The following ALKBH5 variants were observed in gnomAD, a reference collection of about 807,000 sequenced individuals.
ALKBH5 encodes the protein alkB homolog 5, RNA demethylase.
ALKBH5 carries 2 observed loss-of-function variants against 32.1 expected under a neutral mutation model. The ratio of observed to expected loss-of-function variants is 0.06; its 90% confidence interval spans 0.03 to 0.20. The LOEUF is 0.20. ALKBH5 is among the 10% of genes least tolerant of loss of function. The pLI, the probability that ALKBH5 is intolerant of heterozygous loss-of-function variation, is 1.00. For synonymous variants in ALKBH5, 300 were observed against 231.7 expected, an observed-to-expected ratio of 1.29 and a Z score of -2.68; for missense variants, 352 against 559.5, an observed-to-expected ratio of 0.63 and a Z score of 3.74.
chr17:18,184,588 G>A lies in ALKBH5; in HGVS notation c.345G>A (p.Glu115=). 6.2e-7 allele frequency: 1 copy of A among 1,613,346 alleles called. No homozygotes were observed. The highest frequency in any genetic ancestry group is 1.1e-5 in the South Asian group (1 of 91,086). The change falls in exon 1 of 4, where the codon GAG becomes GAA. Residue 115 remains glutamate (E), a synonymous_variant. Transcript: ENST00000399138. Reference sequence around the variant, plus strand: ...TTGACGAGGTGGTGTCCCGCGCTGAGAAGGGCCTGTACAACGAGCACACGG... The same window carrying A: ...TTGACGAGGTGGTGTCCCGCGCTGAAAAGGGCCTGTACAACGAGCACACGG... ...ARIDEVVSRA[E]KGLYNEHTVD... is the part of the protein sequence containing the mutation.
rs747813849 is a variant in ALKBH5 at position 18,184,357 on chromosome 17, AGCCGCC to A, written c.117_122del (p.Ala47_Ala48del). Reference sequence around the variant, plus strand: ...CCGCCGCCGCTGCCGCAGCCGCCGTAGCCGCCGCAGCCGCAGCCGCCGCTGCCGCCG... The same window carrying A: ...CCGCCGCCGCTGCCGCAGCCGCCGTAGCAGCCGCAGCCGCCGCTGCCGCCG... On this transcript the variant is annotated inframe_deletion, in exon 1 of 4. Transcript: ENST00000399138. The A allele has an allele frequency of 4.9e-5, 74 of 1,514,790 alleles. No individual in the cohort carries two copies. Among genetic ancestry groups the A allele is most frequent in the Non-Finnish European group, 5.5e-5 (62 of 1,134,748 alleles). 93.8% of individuals were successfully genotyped at this position (1,514,790 alleles called of 1,614,324 possible).
In ALKBH5 at chr17:18,184,217, G is replaced by T; in HGVS notation, c.-27G>T. 1 of 1,477,850 alleles carries T rather than the reference G, an allele frequency of 6.8e-7. No homozygotes were observed. The highest frequency in any genetic ancestry group is 8.9e-7 in the Non-Finnish European group (1 of 1,123,990). 91.5% of individuals were successfully genotyped at this position (1,477,850 alleles called of 1,614,324 possible). ...GCCCGGCTGCCCCGCCCGCCCCGGAGGACCCTAGAGCAGCGTCGTGGGGGC... is the reference window on the plus strand; with the variant it reads ...GCCCGGCTGCCCCGCCCGCCCCGGATGACCCTAGAGCAGCGTCGTGGGGGC... On this transcript the variant is annotated 5_prime_UTR_variant, in exon 1 of 4. In the 5' UTR this introduces an upstream ATG that the reference lacks. Coordinates refer to ENST00000399138, the MANE Select transcript of ALKBH5 (RefSeq NM_017758.4).
At chr17:18,202,601 G>T (rs1567676961) in intron 2 of ALKBH5, among the ~76,000 whole-genome samples, 1 of 152,132 alleles carries the variant, frequency 6.6e-6, no homozygotes, top group African/African-American at 2.4e-5. Flanking sequence ...CCTGGTAAAG[G>T]TGGTGCCAGA....
intron 2 of ALKBH5, among the ~76,000 whole-genome samples, chr17:18,196,176 C>T (rs1016789682): frequency 6.6e-6 from 1 of 151,832 alleles, no homozygotes; most frequent in Admixed American, 6.6e-5. Context: ...CTCTTAGACT[C>T]CTCTTGGCTG....
intron 1 of ALKBH5, among the ~76,000 whole-genome samples, chr17:18,191,812 AC>A (rs2047176485): frequency 6.6e-6 from 1 of 152,052 alleles, no homozygotes; most frequent in South Asian, 2.1e-4. Flanking sequence ...CACTAAACAT[AC>A]AAAAATTAGC....
chr17:18,192,330 G>T (rs145468836), intron 1 of ALKBH5, among the ~76,000 whole-genome samples: 1 of 152,198 alleles, frequency 6.6e-6, no homozygotes, highest in Non-Finnish European at 1.5e-5. Context: ...CCCTTTCCAG[G>T]AGTGTCAACC....
intron 2 of ALKBH5, among the ~76,000 whole-genome samples, chr17:18,197,847 A>G (rs531479298): frequency 1.1e-4 from 16 of 152,314 alleles, no homozygotes; most frequent in Non-Finnish European, 1.6e-4. Flanking sequence ...GTGCAGAAGC[A>G]CAGAGCTGTG....
At chr17:18,195,606 G>T (rs1418685113) in intron 2 of ALKBH5, among the ~76,000 whole-genome samples, 1 of 152,188 alleles carries the variant, frequency 6.6e-6, no homozygotes, top group Non-Finnish European at 1.5e-5. Context: ...CTTTCACGGG[G>T]TGAGTGGAAG....
chr17:18,192,476 C>T (rs2047181889), intron 1 of ALKBH5, among the ~76,000 whole-genome samples: 1 of 152,124 alleles, frequency 6.6e-6, no homozygotes, highest in African/African-American at 2.4e-5. Flanking sequence ...TTAGTAGCAG[C>T]AAAAGAATAG....
chr17:18,185,063 C>T lies in ALKBH5; in HGVS notation c.770+50C>T, dbSNP rs73980817. The T allele has an allele frequency of 8.4e-4, 1,315 of 1,566,668 alleles. 11 individuals are homozygous for T. The African/African-American group carries it at 0.016, about 19-fold the overall frequency. On this transcript the variant is annotated intron_variant, in intron 1 of 3. Transcript: ENST00000399138. ...GGCCCTGCGCCTGCTGCCTTAGCTA[C>T]CCACCCTGGCCCAGAAAGCAGCAGC... is the stretch of plus-strand genomic sequence containing the variant.
intron 1 of ALKBH5, among the ~76,000 whole-genome samples, chr17:18,189,456 C>T (rs934390062): frequency 2.6e-5 from 4 of 152,206 alleles, no homozygotes; most frequent in Admixed American, 1.3e-4. Flanking sequence ...TGATACAGTG[C>T]TAGCTCTCTG....
chr17:18,207,579 C>T (rs529966947), intron 3 of ALKBH5, among the ~76,000 whole-genome samples: 2 of 151,724 alleles, frequency 1.3e-5, no homozygotes, highest in Non-Finnish European at 2.9e-5. Flanking sequence ...AGGAGAATGG[C>T]GTGAACCTGG....
chr17:18,196,594 T>G (rs2047205939), intron 2 of ALKBH5, among the ~76,000 whole-genome samples: 2 of 152,234 alleles, frequency 1.3e-5, no homozygotes, highest in African/African-American at 4.8e-5. Flanking sequence ...GTCTGATGTT[T>G]TTATGGTAAA....
rs1382244981 is a variant in ALKBH5 at position 18,208,874 on chromosome 17, T to C, written c.*478T>C. 3.9e-6 allele frequency: 1 copy of C among 256,350 alleles called. No homozygotes were observed. Among genetic ancestry groups the C allele is most frequent in the Admixed American group, 5.2e-5 (1 of 19,140 alleles). The allele number at this position is 256,350 out of a possible 1,614,324, so 15.9% of individuals were successfully genotyped here. A position where few individuals can be genotyped will look rare whatever the true frequency, so the allele number is the denominator to read the frequency against. The stretch of plus-strand genomic sequence containing the variant: ...TGAGGTCTCCTGGAGCCTCACAGGC[T>C]CTGCTGTTCTCCACTTCTCACCTGC... On this transcript the variant is annotated 3_prime_UTR_variant, in exon 4 of 4. Transcript: ENST00000399138.
chr17:18,201,835 AGATGATAGATAGATT>A (rs755076292), intron 2 of ALKBH5, among the ~76,000 whole-genome samples: 130 of 98,414 alleles, frequency 1.3e-3, no homozygotes, highest in South Asian at 1.7e-3. Flanking sequence ...ATAGATAGAT[AGATGATAGATAGATT>A]GATTGATTGA....
At chr17:18,186,810 G>T (rs2047142589) in intron 1 of ALKBH5, among the ~76,000 whole-genome samples, 1 of 152,174 alleles carries the variant, frequency 6.6e-6, no homozygotes, top group African/African-American at 2.4e-5. Flanking sequence ...GAAAAGTGCT[G>T]CCCCAGGCTT....
intron 1 of ALKBH5, among the ~76,000 whole-genome samples, chr17:18,185,287 T>C (rs2047131400): frequency 6.6e-6 from 1 of 152,162 alleles, no homozygotes; most frequent in South Asian, 2.1e-4. Flanking sequence ...TTCAGAAGGC[T>C]GTTCCCTTTG....
chr17:18,201,794 A>AGGATAGAT (rs1491101824), intron 2 of ALKBH5, among the ~76,000 whole-genome samples: 1 of 134,416 alleles, frequency 7.4e-6, no homozygotes. Flanking sequence ...TAGGATAGAT[A>AGGATAGAT]AGATAGATAG....
intron 2 of ALKBH5, among the ~76,000 whole-genome samples, chr17:18,205,350 G>C (rs949165626): frequency 6.6e-6 from 1 of 152,180 alleles, no homozygotes; most frequent in African/African-American, 2.4e-5. Context: ...GTCCAGAGTG[G>C]AGTCTGAGAC....
Sources: gnomAD v4.1 joint callset for allele counts (sites outside exome capture counted in the v4.1 genomes callset) on GRCh38, gnomAD v4.1.1 for gene constraint, MANE v1.5 for transcripts, NCBI Gene and HGNC (gene_info 2026-07-23, HGNC 2026-07-21) for gene names.